The following GIT2 variants were observed in gnomAD, a reference collection of about 807,000 sequenced individuals.
The protein encoded by GIT2 is GIT ArfGAP 2.
Under a neutral mutation model 100.3 loss-of-function variants are expected in GIT2, and 32 were observed. The ratio of observed to expected loss-of-function variants is 0.32; its 90% CI spans 0.24 to 0.43. The LOEUF is 0.43. Among genes scored for constraint, GIT2 ranks in the 20% least tolerant of loss-of-function variants. The pLI is 1.00. For synonymous variants in GIT2, 353 were observed against 364.1 expected, an observed-to-expected ratio of 0.97 and a Z score of 0.35; for missense variants, 737 against 975.1, an observed-to-expected ratio of 0.76 and a Z score of 3.25.
intron 14 of GIT2, among the ~76,000 whole-genome samples, chr12:109,949,251 G>C (rs896090770): frequency 6.6e-6 from 1 of 152,246 alleles, no homozygotes; most frequent in Non-Finnish European, 1.5e-5. Context: ...CCAGGGCCTA[G>C]AGTGAAATGG....
intron 7 of GIT2, among the ~76,000 whole-genome samples, chr12:109,971,074 C>T (rs1236384115): frequency 6.6e-6 from 1 of 152,228 alleles, no homozygotes. Context: ...GCGTAAGCCA[C>T]TATACCTGGC....
intron 13 of GIT2, among the ~76,000 whole-genome samples, chr12:109,951,641 T>C (rs1267093747): frequency 6.6e-6 from 1 of 152,246 alleles, no homozygotes. Context: ...CTTTCATTAA[T>C]TCATTCATTC....
chr12:109,955,522 C>T (rs1407108992), intron 12 of GIT2, among the ~76,000 whole-genome samples: 2 of 152,170 alleles, frequency 1.3e-5, no homozygotes, highest in Non-Finnish European at 2.9e-5. Context: ...CCTTGTTCTA[C>T]GTGTGTTTCT....
chr12:109,976,375 C>A (rs940269060), intron 7 of GIT2, among the ~76,000 whole-genome samples: 2 of 150,096 alleles, frequency 1.3e-5, no homozygotes, highest in African/African-American at 2.5e-5. Flanking sequence ...AGCTCCGCCT[C>A]CCGGGTTCAC....
chr12:109,978,549 CCT>C (rs1389604968), intron 7 of GIT2, among the ~76,000 whole-genome samples: 1 of 152,044 alleles, frequency 6.6e-6, no homozygotes, highest in African/African-American at 2.4e-5. Flanking sequence ...ACTCTTTTTT[CCT>C]CTCTGTTGCT....
intron 9 of GIT2, among the ~76,000 whole-genome samples, chr12:109,961,920 G>T (rs576205025): frequency 6.6e-6 from 1 of 152,278 alleles, no homozygotes; most frequent in African/African-American, 2.4e-5. Context: ...CTGCTATTAA[G>T]GAGCTAAGAG....
rs928697709 is a variant in GIT2 at position 109,948,169 on chromosome 12, T to C, written c.1393-665A>G. 1.6e-5 allele frequency: 16 copies of C among 975,440 alleles called. No individual in the cohort carries two copies. In the African/African-American group the frequency reaches 2.8e-4, roughly 17 times the overall value. 60.4% of individuals were successfully genotyped at this position (975,440 alleles called of 1,614,324 possible). On this transcript the variant is annotated intron_variant, in intron 14 of 19. Coordinates refer to ENST00000355312, the MANE Select transcript of GIT2 (RefSeq NM_057169.5). The surrounding 1 kb of genome is among the most constrained non-coding windows in gnomAD (Gnocchi z 4.3). ...GAAAACCGGATCATGGTAAGTTTGC[T>C]ATATTAACATATCACGAAGAAAACT...
upstream of GIT2, chr12:109,997,531 G>T (rs945366097): frequency 1.3e-5 from 2 of 152,164 alleles, no homozygotes; most frequent in African/African-American, 4.8e-5. Context: ...ACTTAAGAAT[G>T]ATTTTTACAT....
At chr12:109,968,200 G>A (rs1437719746) in intron 7 of GIT2, among the ~76,000 whole-genome samples, 1 of 152,202 alleles carries the variant, frequency 6.6e-6, no homozygotes, top group Admixed American at 6.5e-5. Flanking sequence ...ACAGCAATGT[G>A]AGAGTTACAG....
intron 4 of GIT2, among the ~76,000 whole-genome samples, chr12:109,985,996 A>C (rs1480868558): frequency 6.6e-6 from 1 of 151,128 alleles, no homozygotes; most frequent in East Asian, 2.0e-4. Context: ...TTGTGCCACG[A>C]CACTCCAGCC....
At chr12:109,956,265 G>A (rs1460978176) in intron 12 of GIT2, among the ~76,000 whole-genome samples, 4 of 152,118 alleles carry the variant, frequency 2.6e-5, no homozygotes, top group African/African-American at 9.7e-5. Context: ...ACCCATGCTA[G>A]GGTGCAGACG....
intron 7 of GIT2, among the ~76,000 whole-genome samples, chr12:109,971,309 CT>C (rs1883802914): frequency 6.6e-6 from 1 of 151,880 alleles, no homozygotes; most frequent in South Asian, 2.1e-4. Context: ...AGATTTATAC[CT>C]AAGTATTTAA....
chr12:109,946,373 TC>T (rs1370496084), intron 15 of GIT2, among the ~76,000 whole-genome samples: 1 of 152,024 alleles, frequency 6.6e-6, no homozygotes, highest in Admixed American at 6.6e-5. Flanking sequence ...TTTTGGAAAC[TC>T]CCATAAAATT....
intron 14 of GIT2, chr12:109,950,555 G>C (rs1877546131): frequency 6.6e-6 from 1 of 152,388 alleles, no homozygotes; most frequent in Non-Finnish European, 1.5e-5. Flanking sequence ...ACACGGTTCT[G>C]ATTCTCTCAA....
intron 2 of GIT2, among the ~76,000 whole-genome samples, chr12:109,991,060 A>G (rs1888267790): frequency 6.6e-6 from 1 of 152,234 alleles, no homozygotes; most frequent in Admixed American, 6.5e-5. Context: ...CTGCAATCCC[A>G]GCACTTCGAG....
intron 7 of GIT2, among the ~76,000 whole-genome samples, chr12:109,978,759 TTTGC>T (rs1246415743): frequency 1.3e-5 from 2 of 152,254 alleles, no homozygotes; most frequent in Non-Finnish European, 1.5e-5. Flanking sequence ...TTCAAGAATG[TTTGC>T]TTTTACTTCT....
intron 7 of GIT2, among the ~76,000 whole-genome samples, chr12:109,968,977 GC>G (rs1488998098): frequency 2.0e-5 from 3 of 152,064 alleles, no homozygotes; most frequent in African/African-American, 7.2e-5. Flanking sequence ...ACCTGCCTAA[GC>G]CTCCCAACGT....
rs937291598 is a variant in GIT2, at chr12:109,964,610, T to C, written c.816+916A>G. 3.7e-5 allele frequency among the ~76,000 whole-genome samples: 5 copies of C among 135,924 alleles called. No homozygotes were observed. In the Admixed American group the frequency reaches 3.8e-4, roughly 10 times the overall value. The allele number at this position is 135,924 out of a possible 152,430, so 89.2% of individuals were successfully genotyped here. On this transcript the variant is annotated intron_variant, in intron 9 of 19. Transcript: ENST00000355312. The stretch of plus-strand genomic sequence containing the variant: ...GTGCAGCTCATGGCCTCAGAGGGTG[T>C]TAATCTAAAGACACACACACACACA...
chr12:109,977,416 TG>T (rs1310361401), intron 7 of GIT2, among the ~76,000 whole-genome samples: 1 of 151,366 alleles, frequency 6.6e-6, no homozygotes, highest in African/African-American at 2.4e-5. Context: ...GATGCTGAGG[TG>T]GGAGGATCAC....
Sources: allele counts gnomAD v4.1 joint callset (sites outside exome capture counted in the v4.1 genomes callset), GRCh38; gene constraint gnomAD v4.1.1; non-coding constraint Gnocchi (gnomAD v3.1); transcripts MANE v1.5; gene names NCBI Gene and HGNC (gene_info 2026-07-23, HGNC 2026-07-21).